Variants in ERCC6L2 observed in about 807,000 individuals in gnomAD.
The protein encoded by ERCC6L2 is ERCC excision repair 6 like 2.
Under a neutral mutation model 132.0 loss-of-function variants are expected in ERCC6L2, and 77 were observed. That is an observed-to-expected ratio of 0.58 (90% CI 0.49 to 0.71). The LOEUF (loss-of-function observed/expected upper bound fraction) is 0.71. ERCC6L2 is among the 30% of genes least tolerant of loss of function. The pLI, the probability that ERCC6L2 is intolerant of heterozygous loss-of-function variation, is 0.00. For missense variants in ERCC6L2, 1,542 were observed against 1,837.6 expected (o/e 0.84, Z 2.94); for synonymous variants, 583 against 632.4 (o/e 0.92, Z 1.17).
At chr9:95,897,442 T>C (rs1828524744) in intron 2 of ERCC6L2, among the ~76,000 whole-genome samples, 1 of 152,182 alleles carries the variant, frequency 6.6e-6, no homozygotes, top group South Asian at 2.1e-4. Flanking sequence ...AATAGAAGTG[T>C]ACAAATTTAT....
At chr9:96,006,563 T>G (rs1377959832) in intron 18 of ERCC6L2, among the ~76,000 whole-genome samples, 2 of 152,142 alleles carry the variant, frequency 1.3e-5, no homozygotes, top group Admixed American at 6.5e-5. Context: ...CTGGAGGGCA[T>G]TGTGGGTCTT....
chr9:96,031,044 C>G (rs1390744890), intron 19 of ERCC6L2, among the ~76,000 whole-genome samples: 1 of 152,180 alleles, frequency 6.6e-6, no homozygotes, highest in African/African-American at 2.4e-5. Context: ...TCGTGTCTTC[C>G]CATACCTGAT....
At position 95,875,933 on chromosome 9, in the gene ERCC6L2, C is replaced by T. The variant is rs1827227169; in HGVS notation, c.-106C>T. The T allele has an allele frequency of 2.4e-6, 3 of 1,253,184 alleles. No individual in the cohort carries two copies. The Admixed American group carries it at 6.2e-5, about 26-fold the overall frequency. The allele number at this position is 1,253,184 out of a possible 1,614,324, so 77.6% of individuals were successfully genotyped here. A position where few individuals can be genotyped will look rare whatever the true frequency, so the allele number is the denominator to read the frequency against. On this transcript the variant is annotated 5_prime_UTR_variant, in exon 1 of 19. Transcript: ENST00000653738. ...CGAAGAGCGATGCTCGGAGGGCGGC[C>T]GGAAGTGGCGTTGGCCGCCATTGGC... is the stretch of plus-strand genomic sequence containing the variant.
At chr9:95,912,145 A>C (rs917482567) in intron 4 of ERCC6L2, among the ~76,000 whole-genome samples, 1 of 152,156 alleles carries the variant, frequency 6.6e-6, no homozygotes, top group Non-Finnish European at 1.5e-5. Context: ...AGAATGTGTA[A>C]ATAATATGAA....
intron 16 of ERCC6L2, among the ~76,000 whole-genome samples, chr9:95,973,537 G>GC (rs2086958498): frequency 6.6e-6 from 1 of 152,168 alleles, no homozygotes; most frequent in Admixed American, 6.6e-5. Flanking sequence ...GCAGTGAGGA[G>GC]CAAGTCATGT....
rs149313319 is a variant in ERCC6L2 at position 95,905,519 on chromosome 9, T to A, written c.595-1559T>A. On this transcript the variant is annotated intron_variant, in intron 3 of 18. Transcript: ENST00000653738. ...GCAATTTGCACCTAGCATTGTCATC[T>A]CGTAATATACAAAAAAATCAAAGGG... Among the ~76,000 whole-genome samples, 716 of 152,322 alleles carry A rather than the reference T, an allele frequency of 4.7e-3. 2 individuals carry two copies. The highest frequency in any genetic ancestry group is 7.7e-3 in the Non-Finnish European group (527 of 68,030).
intron 13 of ERCC6L2, among the ~76,000 whole-genome samples, chr9:95,963,840 A>G (rs538664234): frequency 3.9e-5 from 6 of 152,254 alleles, no homozygotes; most frequent in Non-Finnish European, 7.4e-5. Context: ...CAGTATTGGC[A>G]GGAATACCAC....
At chr9:95,899,368 T>G (rs1421465624) in intron 3 of ERCC6L2, among the ~76,000 whole-genome samples, 1 of 151,950 alleles carries the variant, frequency 6.6e-6, no homozygotes, top group Non-Finnish European at 1.5e-5. Context: ...GGAGGATCAC[T>G]TGAGCCTGGG....
chr9:95,955,017 T>C (rs1320031619), intron 12 of ERCC6L2: 2 of 399,346 alleles, frequency 5.0e-6, no homozygotes, highest in African/African-American at 4.1e-5. Flanking sequence ...TTCAAGCATA[T>C]AGGCAGTATG....
intron 17 of ERCC6L2, among the ~76,000 whole-genome samples, chr9:96,003,630 A>G (rs779412571): frequency 1.1e-3 from 170 of 152,246 alleles, no homozygotes; most frequent in Non-Finnish European, 1.8e-3. Context: ...GCTATAGACT[A>G]TAGCACCCAC....
At position 95,922,399 on chromosome 9, in the gene ERCC6L2, C is replaced by G. The variant is rs940428398; in HGVS notation, c.1394C>G (p.Ala465Gly). The G allele has an allele frequency of 6.2e-6, 10 of 1,607,622 alleles. No homozygotes were observed. Among genetic ancestry groups the G allele is most frequent in the South Asian group, 2.2e-5 (2 of 90,766 alleles). Residue 465 changes from alanine to glycine, a missense_variant, in exon 8 of 19, where the codon GCT (alanine) becomes GGT (glycine). Physicochemically the swap from Ala to Gly is moderately conservative, Grantham distance 60. Coordinates refer to ENST00000653738, the MANE Select transcript of ERCC6L2 (RefSeq NM_020207.7). ...VANHVALLQA[A>G]STSKQQETLI... ...AACCATGTCGCGCTACTGCAAGCTG[C>G]TAGTACTTCCAAACAACAGGTTTGG...
At chr9:95,978,957 A>C (rs1336796379) in intron 17 of ERCC6L2, among the ~76,000 whole-genome samples, 2 of 152,206 alleles carry the variant, frequency 1.3e-5, no homozygotes, top group Non-Finnish European at 2.9e-5. Context: ...CAAGGGAATT[A>C]ATTTATTCGT....
Position 96,015,165 on chromosome 9 carries a change from T to C in ERCC6L2, c.*1962T>C, listed in dbSNP as rs986666194. 2.7e-5 allele frequency among the ~76,000 whole-genome samples: 4 copies of C among 150,822 alleles called. No individual in the cohort carries two copies. Among genetic ancestry groups the C allele is most frequent in the Non-Finnish European group, 5.9e-5 (4 of 67,690 alleles). ...CCTCCTGAGTAGCTAGGATTACAGG[T>C]GTGTACCACCACACTCAGCTAAACA... is the stretch of plus-strand genomic sequence containing the variant. On this transcript the variant is annotated 3_prime_UTR_variant, in exon 19 of 19. Transcript: ENST00000653738.
At chr9:95,977,984 A>T in intron 16 of ERCC6L2, 77 bp from the exon 17 acceptor site, 1 of 962,758 alleles carries the variant, frequency 1.0e-6, no homozygotes, top group Non-Finnish European at 1.4e-6. Flanking sequence ...AGTATTAAAA[A>T]TAAGAATAAT....
chr9:95,988,587 T>C (rs1833181902), intron 17 of ERCC6L2, among the ~76,000 whole-genome samples: 1 of 152,250 alleles, frequency 6.6e-6, no homozygotes, highest in African/African-American at 2.4e-5. Context: ...TTTATCTTGT[T>C]CAAAAAACTT....
intron 1 of ERCC6L2, 37 bp from the exon 2 acceptor site, chr9:95,880,832 G>A (rs1827548764): frequency 3.9e-6 from 6 of 1,546,832 alleles, no homozygotes; most frequent in Non-Finnish European, 5.2e-6. Flanking sequence ...TACTTTATAA[G>A]CTAGCTTTGG....
intron 6 of ERCC6L2, chr9:95,918,054 A>G (rs1358650483): frequency 5.7e-6 from 1 of 176,796 alleles, no homozygotes; most frequent in African/African-American, 2.4e-5. Context: ...AAAATCTAGC[A>G]TCAGGAGGGG....
At chr9:95,920,951 A>AT (rs1829836196) in intron 6 of ERCC6L2, among the ~76,000 whole-genome samples, 1 of 152,062 alleles carries the variant, frequency 6.6e-6, no homozygotes, top group Admixed American at 6.5e-5. Flanking sequence ...TAATTTTTGT[A>AT]TTTTTAGTAG....
At chr9:95,900,310 C>T (rs547986278) in intron 3 of ERCC6L2, among the ~76,000 whole-genome samples, 1 of 152,078 alleles carries the variant, frequency 6.6e-6, no homozygotes, top group East Asian at 1.9e-4. Flanking sequence ...ATCGCATGAG[C>T]CCAGGAGTTC....
Sources: allele counts gnomAD v4.1 joint callset (sites outside exome capture counted in the v4.1 genomes callset), GRCh38; gene constraint gnomAD v4.1.1; transcripts MANE v1.5; gene names NCBI Gene and HGNC (gene_info 2026-07-23, HGNC 2026-07-21).